AGAP1: variants seen among roughly 807,000 people sequenced by gnomAD.
AGAP1 encodes arf-GAP with GTPase, ANK repeat and PH domain-containing protein 1.
In AGAP1, 29 loss-of-function variants were observed where a neutral mutation model predicts 105.3. The observed-to-expected ratio is 0.28, with a 90% CI of 0.21 to 0.38. AGAP1 has a LOEUF of 0.38. AGAP1 is among the 10% of genes least tolerant of loss of function. AGAP1 has a pLI of 1.00. For synonymous variants in AGAP1, 509 were observed against 485.9 expected, an observed-to-expected ratio of 1.05 and a Z score of -0.63; for missense variants, 998 against 1,165.1, an observed-to-expected ratio of 0.86 and a Z score of 2.09.
Position 235,601,375 on chromosome 2 carries a change from G to A in AGAP1, c.163+106526G>A, listed in dbSNP as rs946723455. On this transcript the variant is annotated intron_variant, in intron 1 of 17. Coordinates refer to ENST00000304032, the MANE Select transcript of AGAP1 (RefSeq NM_001037131.3). This position sits in a 1 kb window ranked among gnomAD's most constrained non-coding sequence, Gnocchi z 4.4. Reference sequence around the variant, plus strand: ...ACACCAGTTGTATTAGTCTGTTGTCGTGCTGCTAATAAGCACATACCTGAG... The same window carrying A: ...ACACCAGTTGTATTAGTCTGTTGTCATGCTGCTAATAAGCACATACCTGAG... 8.5e-5 allele frequency among the ~76,000 whole-genome samples: 13 copies of A among 152,080 alleles called. No homozygotes were observed. Among genetic ancestry groups the A allele is most frequent in the Non-Finnish European group, 1.2e-4 (8 of 68,018 alleles).
At chr2:235,795,930 A>G (rs548125850) in intron 6 of AGAP1, among the ~76,000 whole-genome samples, 125 of 152,334 alleles carry the variant, frequency 8.2e-4, no homozygotes, top group African/African-American at 2.8e-3. Flanking sequence ...GTTTCATACA[A>G]CAGTCGTTTC....
intron 14 of AGAP1, among the ~76,000 whole-genome samples, chr2:236,039,022 TGATGA>T (rs2057467244): frequency 6.6e-6 from 1 of 152,250 alleles, no homozygotes; most frequent in Non-Finnish European, 1.5e-5. Context: ...CACATCAATT[TGATGA>T]GATGTTTCAA....
intron 11 of AGAP1, among the ~76,000 whole-genome samples, chr2:235,925,290 C>G (rs1483793229): frequency 6.6e-6 from 1 of 152,166 alleles, no homozygotes; most frequent in Admixed American, 6.5e-5. Context: ...TACAGACATG[C>G]CTGCAAAGAA....
At chr2:235,674,063 T>C (rs1309775303) in intron 1 of AGAP1, among the ~76,000 whole-genome samples, 1 of 152,222 alleles carries the variant, frequency 6.6e-6, no homozygotes, top group Non-Finnish European at 1.5e-5. Flanking sequence ...GCATTAAGGA[T>C]GAAAGGATTG....
At chr2:235,763,708 C>A (rs1366408824) in intron 6 of AGAP1, among the ~76,000 whole-genome samples, 1 of 152,172 alleles carries the variant, frequency 6.6e-6, no homozygotes, top group African/African-American at 2.4e-5. Flanking sequence ...TGGGTATATT[C>A]ATTTTGAAAA....
chr2:235,643,672 C>T (rs6431395), intron 1 of AGAP1, among the ~76,000 whole-genome samples: 100,388 of 150,776 alleles, frequency 0.67, 33,619 homozygotes, highest in East Asian at 0.75. Flanking sequence ...TTACCATCTC[C>T]ATCTGCAGGG....
In AGAP1 at chr2:236,035,024, C is replaced by T. The variant is rs1157417510; in HGVS notation, c.1646-1537C>T. Among the ~76,000 whole-genome samples the T allele has an allele frequency of 1.3e-4, 20 of 152,160 alleles. No individual in the cohort carries two copies. Among genetic ancestry groups the T allele is most frequent in the Admixed American group, 1.3e-3 (20 of 15,278 alleles). On this transcript the variant is annotated intron_variant, in intron 13 of 17. Coordinates refer to ENST00000304032, the MANE Select transcript of AGAP1 (RefSeq NM_001037131.3). The surrounding 1 kb of genome is among the most constrained non-coding windows in gnomAD (Gnocchi z 4.2). Reference sequence around the variant, plus strand: ...GAAAGGGTGAGTGGGGTGGCACGTCCTCACGTCCCAGGCTGCAGGCGCATT... The same window carrying T: ...GAAAGGGTGAGTGGGGTGGCACGTCTTCACGTCCCAGGCTGCAGGCGCATT...
At chr2:236,064,489 A>G (rs762318529) in intron 16 of AGAP1, among the ~76,000 whole-genome samples, 2 of 152,188 alleles carry the variant, frequency 1.3e-5, no homozygotes, top group Non-Finnish European at 2.9e-5. Flanking sequence ...CCAGCTACTC[A>G]GGAGGCTGAG....
intron 16 of AGAP1, among the ~76,000 whole-genome samples, chr2:236,081,398 G>A (rs368504223): frequency 4.6e-5 from 7 of 152,318 alleles, no homozygotes; most frequent in East Asian, 1.9e-4. Context: ...TGTCTGAACC[G>A]CGCTGCATTT....
intron 16 of AGAP1, among the ~76,000 whole-genome samples, chr2:236,088,921 A>C (rs984241965): frequency 1.3e-5 from 2 of 152,238 alleles, no homozygotes; most frequent in African/African-American, 4.8e-5. Context: ...GCATTCGATC[A>C]TGATGGTGAT....
intron 5 of AGAP1, among the ~76,000 whole-genome samples, chr2:235,748,437 C>T (rs567587712): frequency 3.3e-5 from 5 of 152,196 alleles, no homozygotes; most frequent in Admixed American, 1.3e-4. Context: ...AAAAAACTTT[C>T]TTTTCTTAAA....
Position 235,549,575 on chromosome 2 carries a change from C to T in AGAP1, c.163+54726C>T, listed in dbSNP as rs956448819. Among the ~76,000 whole-genome samples the T allele has an allele frequency of 9.2e-5, 14 of 152,306 alleles. No individual in the cohort carries two copies. The highest frequency in any genetic ancestry group is 3.4e-4 in the African/African-American group (14 of 41,566). On this transcript the variant is annotated intron_variant, in intron 1 of 17. Coordinates refer to ENST00000304032, the MANE Select transcript of AGAP1 (RefSeq NM_001037131.3). This position sits in a 1 kb window ranked among gnomAD's most constrained non-coding sequence, Gnocchi z 4.2. ...GCATTGCTCCTCCGTCTTCCGCGTG[C>T]CTGTGGGCAGCTTTTGTTCCTTTGG...
intron 1 of AGAP1, among the ~76,000 whole-genome samples, chr2:235,512,163 T>TG (rs1485269247): frequency 3.3e-5 from 5 of 152,234 alleles, no homozygotes; most frequent in Non-Finnish European, 7.3e-5. Context: ...ACTCACTTCT[T>TG]GATCTGTTGC....
At chr2:235,761,553 G>A (rs181943632) in intron 6 of AGAP1, among the ~76,000 whole-genome samples, 1 of 152,292 alleles carries the variant, frequency 6.6e-6, no homozygotes, top group East Asian at 1.9e-4. Flanking sequence ...GCTTGAATTA[G>A]CGTGATGTAT....
intron 1 of AGAP1, among the ~76,000 whole-genome samples, chr2:235,682,463 C>T (rs1949130032): frequency 6.6e-6 from 1 of 152,158 alleles, no homozygotes; most frequent in South Asian, 2.1e-4. Flanking sequence ...CTGCCTCAGC[C>T]TCTCGAGTAG....
intron 1 of AGAP1, among the ~76,000 whole-genome samples, chr2:235,546,705 G>A (rs1429364266): frequency 6.6e-6 from 1 of 152,122 alleles, no homozygotes; most frequent in Non-Finnish European, 1.5e-5. Context: ...CGGCCGGTTT[G>A]GAGTCCAGAA....
In AGAP1 at chr2:235,961,635, C is replaced by T. The variant is rs533337182; in HGVS notation, c.1484-6827C>T. On this transcript the variant is annotated intron_variant, in intron 12 of 17. Coordinates refer to ENST00000304032, the MANE Select transcript of AGAP1 (RefSeq NM_001037131.3). This position sits in a 1 kb window ranked among gnomAD's most constrained non-coding sequence, Gnocchi z 5.9. ...AAAAATGTGAGATGACAGGGCCGGG[C>T]GTGGTGGCTCATGCCTATAATCCCA... 6.6e-6 allele frequency among the ~76,000 whole-genome samples: 1 copy of T among 152,258 alleles called. No homozygotes were observed. The highest frequency in any genetic ancestry group is 1.9e-4 in the East Asian group (1 of 5,172).
chr2:235,734,915 T>C lies in AGAP1; in HGVS notation c.311-6048T>C, dbSNP rs181626427. 3.3e-5 allele frequency among the ~76,000 whole-genome samples: 5 copies of C among 152,190 alleles called. No individual in the cohort carries two copies. The highest frequency in any genetic ancestry group is 9.6e-5 in the African/African-American group (4 of 41,566). Reference sequence around the variant, plus strand: ...CTCTTGCTCTGTGTCTGAACTCCTTTTCCTCCTGAGTGGATTTGGGTGTTG... The same window carrying C: ...CTCTTGCTCTGTGTCTGAACTCCTTCTCCTCCTGAGTGGATTTGGGTGTTG... On this transcript the variant is annotated intron_variant, in intron 3 of 17. Coordinates refer to ENST00000304032, the MANE Select transcript of AGAP1 (RefSeq NM_001037131.3). The surrounding 1 kb of genome is among the most constrained non-coding windows in gnomAD (Gnocchi z 5.3).
In AGAP1 at chr2:235,635,447, G is replaced by T. The variant is rs879161072; in HGVS notation, c.164-73732G>T. On this transcript the variant is annotated intron_variant, in intron 1 of 17. Transcript: ENST00000304032. The surrounding 1 kb of genome is among the most constrained non-coding windows in gnomAD (Gnocchi z 5.3). ...GGAAAACAAATTACTCTGAAAATTT[G>T]TCATTTTGGTGTGGTGAATTCGTTC... 6.6e-6 allele frequency among the ~76,000 whole-genome samples: 1 copy of T among 152,138 alleles called. No homozygotes were observed. The highest frequency in any genetic ancestry group is 1.5e-5 in the Non-Finnish European group (1 of 68,016).
Sources: allele counts gnomAD v4.1 joint callset (sites outside exome capture counted in the v4.1 genomes callset), GRCh38; gene constraint gnomAD v4.1.1; non-coding constraint Gnocchi (gnomAD v3.1); transcripts MANE v1.5; gene names NCBI Gene and HGNC (gene_info 2026-07-23, HGNC 2026-07-21).